CAMSAP1: variants seen among roughly 807,000 people sequenced by gnomAD.
The protein encoded by CAMSAP1 is calmodulin regulated spectrin associated protein 1.
A neutral mutation model predicts 143.5 loss-of-function variants in CAMSAP1; 58 were observed. The ratio of observed to expected loss-of-function variants is 0.40; its 90% CI spans 0.33 to 0.50. CAMSAP1 has a LOEUF of 0.50. Among genes scored for constraint, CAMSAP1 ranks in the 20% least tolerant of loss-of-function variants. The pLI is 0.45. For missense variants in CAMSAP1, 1,969 were observed against 2,115.7 expected (o/e 0.93, Z 1.36); for synonymous variants, 945 against 859.3 (o/e 1.10, Z -1.74).
At chr9:135,841,745 C>G (rs56013893) in intron 7 of CAMSAP1, among the ~76,000 whole-genome samples, 1 of 152,206 alleles carries the variant, frequency 6.6e-6, no homozygotes, top group African/African-American at 2.4e-5. Context: ...TCCAGCAGAC[C>G]TGCAGCAGAG....
At chr9:135,860,415 T>C (rs561975533) in intron 5 of CAMSAP1, among the ~76,000 whole-genome samples, 2 of 151,962 alleles carry the variant, frequency 1.3e-5, no homozygotes, top group South Asian at 4.2e-4. Flanking sequence ...CTGGCCAACA[T>C]GGTGAAACCC....
chr9:135,888,286 T>C (rs1003285486), intron 1 of CAMSAP1, among the ~76,000 whole-genome samples: 1 of 152,164 alleles, frequency 6.6e-6, no homozygotes, highest in African/African-American at 2.4e-5. Context: ...GCAATGAGGA[T>C]GAAAAGGCAG....
At chr9:135,846,082 A>C (rs1280412953) in intron 7 of CAMSAP1, among the ~76,000 whole-genome samples, 18 of 151,314 alleles carry the variant, frequency 1.2e-4, no homozygotes, top group African/African-American at 4.4e-4. Flanking sequence ...CAAAAAAAAA[A>C]AAAAAAAAAA....
At chr9:135,901,227 C>A (rs996604895) in intron 1 of CAMSAP1, among the ~76,000 whole-genome samples, 20 of 152,192 alleles carry the variant, frequency 1.3e-4, no homozygotes, top group African/African-American at 4.8e-4. Flanking sequence ...GTCAATCAGT[C>A]CAGCTCCATA....
chr9:135,872,218 T>G (rs1405278432), intron 3 of CAMSAP1, among the ~76,000 whole-genome samples: 4 of 152,218 alleles, frequency 2.6e-5, no homozygotes, highest in African/African-American at 9.6e-5. Flanking sequence ...ACTTTTGTTC[T>G]CAATTTTTAA....
chr9:135,842,153 A>C (rs905001550), intron 7 of CAMSAP1, among the ~76,000 whole-genome samples: 2 of 152,258 alleles, frequency 1.3e-5, no homozygotes, highest in African/African-American at 4.8e-5. Context: ...AGAAGAACAC[A>C]AATGACTTGA....
At position 135,808,586 on chromosome 9, in the gene CAMSAP1, A is replaced by G. The variant is rs1171454114; in HGVS notation, c.*2723T>C. 1.3e-5 allele frequency: 2 copies of G among 152,248 alleles called. No individual in the cohort carries two copies. The highest frequency in any genetic ancestry group is 6.5e-5 in the Admixed American group (1 of 15,286). The allele number at this position is 152,248 out of a possible 1,614,324, so 9.4% of individuals were successfully genotyped here. ...AAAGTATAACCTAGAAGTAATTTAG[A>G]ATTATTCCACTTTTCAATTTTGCCT... On this transcript the variant is annotated 3_prime_UTR_variant, in exon 17 of 17. Coordinates refer to ENST00000389532, the MANE Select transcript of CAMSAP1 (RefSeq NM_015447.4).
At chr9:135,856,031 A>G (rs1166538121) in intron 5 of CAMSAP1, among the ~76,000 whole-genome samples, 2 of 152,178 alleles carry the variant, frequency 1.3e-5, no homozygotes, top group South Asian at 4.1e-4. Context: ...CAGCATAGGC[A>G]AGAGAGTGAG....
Position 135,820,714 on chromosome 9 carries a change from C to G in CAMSAP1, c.3822+125G>C. On this transcript the variant is annotated intron_variant, in intron 11 of 16. Transcript: ENST00000389532. The surrounding 1 kb of genome is among the most constrained non-coding windows in gnomAD (Gnocchi z 4.4). ...TCTGTGGCCCACAAAGCTAAACACA[C>G]ACATCCCCTGGCCTCTTACAGGAGC... 1 of 1,277,982 alleles carries G rather than the reference C, an allele frequency of 7.8e-7. No individual in the cohort carries two copies. The highest frequency in any genetic ancestry group is 2.4e-5 in the East Asian group (1 of 42,100). The allele number at this position is 1,277,982 out of a possible 1,614,324, so 79.2% of individuals were successfully genotyped here. A position where few individuals can be genotyped will look rare whatever the true frequency, so the allele number is the denominator to read the frequency against.
intron 7 of CAMSAP1, among the ~76,000 whole-genome samples, chr9:135,849,549 G>A (rs541314967): frequency 1.3e-5 from 2 of 152,174 alleles, no homozygotes; most frequent in East Asian, 3.9e-4. Flanking sequence ...TTATGGCTAT[G>A]AATGAGCTCT....
rs1835680466 is a variant in CAMSAP1 at position 135,826,561 on chromosome 9, C to A, written c.1223+846G>T. ...CTCAACATGGTCACCGGTTTTAGCT[C>A]CTCTCAAACAACCTGAAACAACTGA... is the stretch of plus-strand genomic sequence containing the variant. On this transcript the variant is annotated intron_variant, in intron 8 of 16. Transcript: ENST00000389532. This position sits in a 1 kb window ranked among gnomAD's most constrained non-coding sequence, Gnocchi z 4.4. 6.6e-6 allele frequency among the ~76,000 whole-genome samples: 1 copy of A among 152,180 alleles called. No individual in the cohort carries two copies. Among genetic ancestry groups the A allele is most frequent in the African/African-American group, 2.4e-5 (1 of 41,430 alleles).
intron 3 of CAMSAP1, among the ~76,000 whole-genome samples, chr9:135,881,352 T>C (rs1421357153): frequency 6.7e-6 from 1 of 150,274 alleles, no homozygotes; most frequent in Non-Finnish European, 1.5e-5. Context: ...AGTGAGACCC[T>C]GTCTCAAAAA....
chr9:135,836,206 C>A, intron 7 of CAMSAP1: 1 of 985,400 alleles, frequency 1.0e-6, no homozygotes, highest in Non-Finnish European at 1.2e-6. Context: ...TCCGCAGCCA[C>A]ACATCGCCAA....
At chr9:135,881,845 G>T in intron 2 of CAMSAP1, 51 bp from the exon 3 acceptor site, 1 of 1,540,546 alleles carries the variant, frequency 6.5e-7, no homozygotes, top group Non-Finnish European at 8.8e-7. Flanking sequence ...CCTCTTACCA[G>T]GTTCTGATGC....
At chr9:135,859,713 A>G (rs1403374293) in intron 5 of CAMSAP1, among the ~76,000 whole-genome samples, 1 of 151,944 alleles carries the variant, frequency 6.6e-6, no homozygotes, top group Non-Finnish European at 1.5e-5. Context: ...ATTTTTTAAA[A>G]TCCATTTTGA....
intron 16 of CAMSAP1, among the ~76,000 whole-genome samples, chr9:135,813,051 A>G (rs960417225): frequency 6.6e-6 from 1 of 152,228 alleles, no homozygotes; most frequent in Non-Finnish European, 1.5e-5. Context: ...CGTATCTTCA[A>G]GTGTTTTGGT....
chr9:135,847,849 G>C (rs1255118962), intron 7 of CAMSAP1, among the ~76,000 whole-genome samples: 2 of 15,096 alleles, frequency 1.3e-4, no homozygotes, highest in Non-Finnish European at 2.6e-4. Context: ...GGGAAGGGGA[G>C]GGGAGTGGGG....
intron 7 of CAMSAP1, chr9:135,837,060 C>T (rs984744722): frequency 5.3e-5 from 31 of 580,982 alleles, no homozygotes; most frequent in Non-Finnish European, 6.0e-5. Context: ...TCATCATGCC[C>T]GTTCTACAGA....
intron 4 of CAMSAP1, among the ~76,000 whole-genome samples, chr9:135,865,556 C>T (rs911518124): frequency 2.0e-5 from 3 of 152,164 alleles, no homozygotes; most frequent in African/African-American, 4.8e-5. Flanking sequence ...TGGAAGATCA[C>T]GAGTCACCTC....
Sources: gnomAD v4.1 joint callset for allele counts (sites outside exome capture counted in the v4.1 genomes callset) on GRCh38, gnomAD v4.1.1 for gene constraint, Gnocchi (gnomAD v3.1) non-coding constraint, MANE v1.5 for transcripts, NCBI Gene and HGNC (gene_info 2026-07-23, HGNC 2026-07-21) for gene names.